CYP27B1: variants seen among roughly 807,000 people sequenced by gnomAD.
The protein encoded by CYP27B1 is cytochrome P450 family 27 subfamily B member 1, also known as 25-hydroxyvitamin D-1 alpha hydroxylase, mitochondrial.
Under a neutral mutation model 54.8 loss-of-function variants are expected in CYP27B1, and 46 were observed. That is an observed-to-expected ratio of 0.84 (90% CI 0.66 to 1.07). CYP27B1 has a LOEUF of 1.07. Among genes scored for constraint, CYP27B1 ranks in the 50% least tolerant of loss-of-function variants. The pLI is 0.00. For synonymous variants in CYP27B1, 292 were observed against 297.3 expected (o/e 0.98, Z 0.18); for missense variants, 674 against 692.2 (o/e 0.97, Z 0.30).
At chr12:57,764,218 A>G (rs766538924) in intron 6 of CYP27B1, 42 bp from the exon 7 acceptor site, 3 of 1,568,718 alleles carry the variant, frequency 1.9e-6, no homozygotes, top group Non-Finnish European at 2.6e-6. Flanking sequence ...AGATGAGGCT[A>G]GGGGCTGCAG....
Position 57,765,812 on chromosome 12 carries a change from G to C in CYP27B1, c.386+195C>G, listed in dbSNP as rs536124873. 2 of 1,116,724 alleles carry C rather than the reference G, an allele frequency of 1.8e-6. No homozygotes were observed. The highest frequency in any genetic ancestry group is 2.5e-6 in the Non-Finnish European group (2 of 807,006). The allele number at this position is 1,116,724 out of a possible 1,614,324, so 69.2% of individuals were successfully genotyped here. A position where few individuals can be genotyped will look rare whatever the true frequency, so the allele number is the denominator to read the frequency against. ...CCAGGATTCGGGCCTCAAAGGATAA[G>C]GAGGTAGGCGGGGAGTGAGGTTGGG... On this transcript the variant is annotated intron_variant, in intron 2 of 8. Coordinates refer to ENST00000228606, the MANE Select transcript of CYP27B1 (RefSeq NM_000785.4). This position sits in a 1 kb window ranked among gnomAD's most constrained non-coding sequence, Gnocchi z 5.8.
At chr12:57,764,727 G>A in intron 5 of CYP27B1, 27 bp downstream of exon 5, 1 of 1,613,836 alleles carries the variant, frequency 6.2e-7, no homozygotes, top group South Asian at 1.1e-5. Context: ...CCTGGAACCG[G>A]CTCACAGCAC....
intron 4 of CYP27B1, 38 bp from the exon 5 acceptor site, chr12:57,764,964 C>A (rs747414915): frequency 6.2e-6 from 10 of 1,613,948 alleles, no homozygotes; most frequent in Admixed American, 1.7e-5. Flanking sequence ...CTCGCTACCC[C>A]TGGACAGCTT....
intron 5 of CYP27B1, 74 bp from the exon 6 acceptor site, chr12:57,764,624 TG>T: frequency 6.3e-7 from 1 of 1,595,994 alleles, no homozygotes; most frequent in Non-Finnish European, 8.6e-7. Context: ...TGGAAGAGTC[TG>T]GGGCTACAGG....
rs531437421 is a variant in CYP27B1, at chr12:57,765,572, C to G, written c.387-73G>C. ...GACGGGACTGGCTGCAGTGAAGGAG[C>G]GCGTTCGGCTGCGGTGGCCAGGAGA... On this transcript the variant is annotated intron_variant, in intron 2 of 8. Coordinates refer to ENST00000228606, the MANE Select transcript of CYP27B1 (RefSeq NM_000785.4). The surrounding 1 kb of genome is among the most constrained non-coding windows in gnomAD (Gnocchi z 5.8). 2 of 1,474,084 alleles carry G rather than the reference C, an allele frequency of 1.4e-6. No homozygotes were observed. Among genetic ancestry groups the G allele is most frequent in the Non-Finnish European group, 9.3e-7 (1 of 1,072,846 alleles). 91.3% of individuals were successfully genotyped at this position (1,474,084 alleles called of 1,614,324 possible).
rs751250622 is a variant in CYP27B1 at position 57,762,716 on chromosome 12, A to G, written c.*426T>C. On this transcript the variant is annotated 3_prime_UTR_variant, in exon 9 of 9. Coordinates refer to ENST00000228606, the MANE Select transcript of CYP27B1 (RefSeq NM_000785.4). ...CTTCACCCTTCCTCTCAAAGAGCTT[A>G]CATGCAAAGACGAAGGACCAACCAG... The G allele has an allele frequency of 1.7e-4, 44 of 264,850 alleles. No individual in the cohort carries two copies. The highest frequency in any genetic ancestry group is 3.0e-4 in the Non-Finnish European group (40 of 134,100). The allele number at this position is 264,850 out of a possible 1,614,324, so 16.4% of individuals were successfully genotyped here.
rs1290619308 is a variant in CYP27B1, at chr12:57,765,962, G to A, written c.386+45C>T. 2.0e-6 allele frequency: 3 copies of A among 1,501,340 alleles called. No homozygotes were observed. Among genetic ancestry groups the A allele is most frequent in the African/African-American group, 1.4e-5 (1 of 71,488 alleles). 93.0% of individuals were successfully genotyped at this position (1,501,340 alleles called of 1,614,324 possible). On this transcript the variant is annotated intron_variant, in intron 2 of 8. Transcript: ENST00000228606. This position sits in a 1 kb window ranked among gnomAD's most constrained non-coding sequence, Gnocchi z 5.8. ...AGTTTCGGGACCCGCAGCAGGAGAG[G>A]GCCGCTGCAGGGCGTCTGGGCTTCT... is the stretch of plus-strand genomic sequence containing the variant.
At chr12:57,766,231 C>G (rs536827929) in intron 1 of CYP27B1, 34 bp from the exon 2 acceptor site, 2 of 1,505,886 alleles carry the variant, frequency 1.3e-6, no homozygotes, top group Admixed American at 4.2e-5. Context: ...ACTTGGATAC[C>G]TGGGCGGGGA....
chr12:57,766,767 T>G lies in CYP27B1; in HGVS notation c.195+80A>C, dbSNP rs1955365231. On this transcript the variant is annotated intron_variant, in intron 1 of 8. Transcript: ENST00000228606. ...TTCTCTCTGGCTGTCCCACATTTGC[T>G]CTGCACTAGTCAGTCCTTTCTGACG... 5 of 1,457,788 alleles carry G rather than the reference T, an allele frequency of 3.4e-6. No individual in the cohort carries two copies. The Admixed American group carries it at 8.4e-5, about 25-fold the overall frequency. 90.3% of individuals were successfully genotyped at this position (1,457,788 alleles called of 1,614,324 possible).
chr12:57,765,335 C>G lies in CYP27B1; in HGVS notation c.551G>C (p.Arg184Pro). The G allele has an allele frequency of 6.2e-7, 1 of 1,613,448 alleles. No individual in the cohort carries two copies. The highest frequency in any genetic ancestry group is 8.5e-7 in the Non-Finnish European group (1 of 1,179,820). Residue 184 changes from arginine to proline, a missense_variant, in exon 3 of 9, where the codon CGG (arginine) becomes CCG (proline). By Grantham distance (103) the Arg-to-Pro change is moderately radical (BLOSUM62 -2). Transcript: ENST00000228606. This position sits in a 1 kb window ranked among gnomAD's most constrained non-coding sequence, Gnocchi z 5.8. ...GRGTGPPALVRDVAGEFYKFG... is the reference protein window; with the variant it reads ...GRGTGPPALVPDVAGEFYKFG... ...CTTGTAAAATTCCCCCGCCACGTCCCGAACCAGGGCGGGCGGCCCCGTGCC... is the reference window on the plus strand; with the variant it reads ...CTTGTAAAATTCCCCCGCCACGTCCGGAACCAGGGCGGGCGGCCCCGTGCC...
chr12:57,763,940 G>A, intron 7 of CYP27B1, 132 bp from the exon 8 acceptor site: 1 of 1,090,640 alleles, frequency 9.2e-7, no homozygotes, highest in Non-Finnish European at 1.4e-6. Context: ...ACTTTTGGAA[G>A]GATCTCCCCA....
Position 57,762,984 on chromosome 12 carries a change from C to A in CYP27B1, c.*158G>T. ...TGAGTCAGGCCAAGTGCATACTTCA[C>A]ACATTGGTCAGGGCCGCCTCACACT... On this transcript the variant is annotated 3_prime_UTR_variant, in exon 9 of 9. Coordinates refer to ENST00000228606, the MANE Select transcript of CYP27B1 (RefSeq NM_000785.4). The A allele has an allele frequency of 1.5e-6, 1 of 665,880 alleles. No individual in the cohort carries two copies. Among genetic ancestry groups the A allele is most frequent in the South Asian group, 1.6e-5 (1 of 63,552 alleles). The allele number at this position is 665,880 out of a possible 1,614,324, so 41.2% of individuals were successfully genotyped here.
chr12:57,766,766 C>T, intron 1 of CYP27B1, 81 bp downstream of exon 1: 1 of 1,454,794 alleles, frequency 6.9e-7, no homozygotes, highest in Non-Finnish European at 9.6e-7. Flanking sequence ...CCCACATTTG[C>T]TCTGCACTAG....
In CYP27B1 at chr12:57,764,462, A is replaced by T. The variant is rs537825066; in HGVS notation, c.1052T>A (p.Leu351Gln). 14 of 1,614,226 alleles carry T rather than the reference A, an allele frequency of 8.7e-6. No individual in the cohort carries two copies. Among genetic ancestry groups the T allele is most frequent in the South Asian group, 7.7e-5 (7 of 91,086 alleles). The change falls in exon 6 of 9, where the codon CTG (leucine) becomes CAG (glutamine). Residue 351 changes from leucine to glutamine, a missense_variant. By Grantham distance (113) the Leu-to-Gln change is moderately radical (BLOSUM62 -2). Transcript: ENST00000228606. ...GGGGTAGGCACTGGAGCCAGGGCTC[A>T]GGGCAGCTGTGATCTCTGAGTGGAG... ...TALHSEITAA[L>Q]SPGSSAYPSA...
At chr12:57,764,038 G>A (rs1595117561) in intron 7 of CYP27B1, 60 bp downstream of exon 7, 1 of 1,407,670 alleles carries the variant, frequency 7.1e-7, no homozygotes, top group Non-Finnish European at 1.0e-6. Context: ...TTGAGAACAG[G>A]GTTGGGGCCC....
chr12:57,764,241 T>C lies in CYP27B1; in HGVS notation c.1137-65A>G, dbSNP rs561951133. ...CTAGGGGCTGCAGCCCCCTTCTCAT[T>C]GTTTCCAACTTCCAAACCCTTTTTG... On this transcript the variant is annotated intron_variant, in intron 6 of 8. Coordinates refer to ENST00000228606, the MANE Select transcript of CYP27B1 (RefSeq NM_000785.4). 55 of 1,567,246 alleles carry C rather than the reference T, an allele frequency of 3.5e-5. No individual in the cohort carries two copies. The African/African-American group carries it at 7.3e-4, about 21-fold the overall frequency.
chr12:57,763,881 C>T, intron 7 of CYP27B1, 73 bp from the exon 8 acceptor site: 3 of 1,489,554 alleles, frequency 2.0e-6, no homozygotes, highest in South Asian at 1.1e-5. Context: ...GATATTCAGA[C>T]AGGGACAAAG....
chr12:57,766,087 T>C lies in CYP27B1; in HGVS notation c.306A>G (p.Gly102=). 1 of 1,549,558 alleles carries C rather than the reference T, an allele frequency of 6.5e-7. No individual in the cohort carries two copies. Among genetic ancestry groups the C allele is most frequent in the South Asian group, 1.2e-5 (1 of 84,630 alleles). ...AGAAGCTGCAGCGCTCGGGCCGGGG[T>C]CCCTCCTGTCGCAGCAGCTCCTCGA... ...ALVEELLRQE[G]PRPERCSFSP... Residue 102 remains glycine (G), a synonymous_variant, in exon 2 of 9, where the codon GGA becomes GGG. Coordinates refer to ENST00000228606, the MANE Select transcript of CYP27B1 (RefSeq NM_000785.4).
At chr12:57,766,418 G>A (rs1955361129) in intron 1 of CYP27B1, 1 of 597,618 alleles carries the variant, frequency 1.7e-6, no homozygotes, top group Non-Finnish European at 2.8e-6. Context: ...CTTTGTGCAA[G>A]GCAGACATTC....
Sources: allele counts gnomAD v4.1 joint callset, GRCh38; gene constraint gnomAD v4.1.1; non-coding constraint Gnocchi (gnomAD v3.1); transcripts MANE v1.5; gene names NCBI Gene and HGNC (gene_info 2026-07-23, HGNC 2026-07-21).